The following TBC1D25 variants were observed in gnomAD, a reference collection of about 807,000 sequenced individuals.
The protein encoded by TBC1D25 is 5SN3 snoRNA.
In TBC1D25, 13 loss-of-function variants were observed where a neutral mutation model predicts 38.8. The ratio of observed to expected loss-of-function variants is 0.34; its 90% CI spans 0.22 to 0.53. The LOEUF is 0.53. Among genes scored for constraint, TBC1D25 ranks in the 20% least tolerant of loss-of-function variants. TBC1D25 has a pLI of 0.94. For synonymous variants in TBC1D25, 225 were observed against 255.6 expected, an observed-to-expected ratio of 0.88 and a Z score of 1.14; for missense variants, 372 against 600.0, an observed-to-expected ratio of 0.62 and a Z score of 3.97.
chrX:48,557,433 C>T (rs1556984707), intron 3 of TBC1D25, among the ~76,000 whole-genome samples: 1 of 110,628 alleles, frequency 9.0e-6, no homozygotes, highest in Non-Finnish European at 1.9e-5. Context: ...CACCTGAGGT[C>T]GGGAGTTCGA....
chrX:48,549,455 G>A (rs894206431), intron 3 of TBC1D25, among the ~76,000 whole-genome samples: 1 of 112,810 alleles, frequency 8.9e-6, no homozygotes, highest in East Asian at 2.7e-4. Flanking sequence ...TTGATTGCAC[G>A]CCTACACAGA....
At chrX:48,543,436 C>T (rs1479167095) in intron 2 of TBC1D25, among the ~76,000 whole-genome samples, 2 of 104,924 alleles carry the variant, frequency 1.9e-5, no homozygotes, top group East Asian at 3.1e-4. Flanking sequence ...GGGGTTTCAC[C>T]GTGTTGGCCA....
At chrX:48,555,348 T>C (rs1602114858) in intron 3 of TBC1D25, among the ~76,000 whole-genome samples, 2 of 111,625 alleles carry the variant, frequency 1.8e-5, no homozygotes, top group African/African-American at 3.3e-5. Context: ...CCCTCAGCTC[T>C]ATGGGAAAAT....
chrX:48,560,327 T>C lies in TBC1D25; in HGVS notation c.1419T>C (p.Pro473=). The C allele has an allele frequency of 2.5e-6, 3 of 1,211,625 alleles. No homozygotes were observed. The highest frequency in any genetic ancestry group is 3.5e-5 in the African/African-American group (2 of 57,752). Residue 473 remains proline (P), a synonymous_variant, in exon 6 of 6, where the codon CCT becomes CCC. Transcript: ENST00000376771. ...TGCGACAGAGGCACATGCTGAGGCC[T>C]GCTGGTGGAGGAGGTAGTACCTTTG... The part of the protein sequence containing the change: ...WPVRQRHMLR[P]AGGGGSTFED...
Position 48,539,732 on chromosome X carries a change from A to C in TBC1D25, c.-66A>C. On this transcript the variant is annotated 5_prime_UTR_variant, in exon 1 of 6. Coordinates refer to ENST00000376771, the MANE Select transcript of TBC1D25 (RefSeq NM_002536.4). The stretch of plus-strand genomic sequence containing the variant: ...ACGAGGTGGGGCGGCGGGCGTCAGT[A>C]CAGTAGAGTGTGCGCCGGGGTGGGG... 1.1e-6 allele frequency: 1 copy of C among 931,773 alleles called. No individual in the cohort carries two copies. The highest frequency in any genetic ancestry group is 1.3e-6 in the Non-Finnish European group (1 of 749,931). The allele number at this position is 931,773 out of a possible 1,213,427, so 76.8% of individuals were successfully genotyped here.
rs781880335 is a variant in TBC1D25, at chrX:48,560,999, CG to C, written c.*26del. ...GATCAGGCTTTCTCAAGCCCTCCATCGGCCCCACCAGATCTCCATTCTTTGC... is the reference window on the plus strand; with the variant it reads ...GATCAGGCTTTCTCAAGCCCTCCATCGCCCCACCAGATCTCCATTCTTTGC... On this transcript the variant is annotated 3_prime_UTR_variant, in exon 6 of 6. Coordinates refer to ENST00000376771, the MANE Select transcript of TBC1D25 (RefSeq NM_002536.4). 40 of 1,159,522 alleles carry C rather than the reference CG, an allele frequency of 3.4e-5. No individual in the cohort carries two copies. Among genetic ancestry groups the C allele is most frequent in the Non-Finnish European group, 4.5e-5 (39 of 872,602 alleles).
Position 48,558,910 on chromosome X carries a change from A to G in TBC1D25, c.402A>G (p.Glu134=). 1 of 1,211,682 alleles carries G rather than the reference A, an allele frequency of 8.3e-7. No individual in the cohort carries two copies. The highest frequency in any genetic ancestry group is 1.1e-6 in the Non-Finnish European group (1 of 895,524). Residue 134 remains glutamate, a synonymous_variant, in exon 4 of 6, where the codon GAA becomes GAG. Transcript: ENST00000376771. ...CTGTTTGCCCAGGCCCATTGCTAGA[A>G]GACTGGGACATAATCAGCCCCAAAG... is the stretch of plus-strand genomic sequence containing the variant. ...IRPSEDSPLL[E]DWDIISPKDV...
intron 3 of TBC1D25, among the ~76,000 whole-genome samples, chrX:48,548,138 CAG>C (rs2147178038): frequency 9.8e-6 from 1 of 102,440 alleles, no homozygotes; most frequent in East Asian, 3.1e-4. Context: ...TTTTTTGAGA[CAG>C]GGTCTCACTC....
intron 3 of TBC1D25, among the ~76,000 whole-genome samples, chrX:48,558,156 T>G (rs2061991568): frequency 9.0e-6 from 1 of 111,201 alleles, no homozygotes; most frequent in East Asian, 2.8e-4. Context: ...TGTTCCACTT[T>G]TGCACAAATA....
Position 48,559,363 on chromosome X carries a change from A to T in TBC1D25, c.705+17A>T. The T allele has an allele frequency of 8.3e-7, 1 of 1,198,602 alleles. No individual in the cohort carries two copies. The highest frequency in any genetic ancestry group is 1.1e-6 in the Non-Finnish European group (1 of 888,520). ...CTGCGAAAGGTGAGCATCCTCAGTC[A>T]TCTGTTGGGTCCATCACTGCTGCAC... On this transcript the variant is annotated intron_variant, in intron 5 of 5. Coordinates refer to ENST00000376771, the MANE Select transcript of TBC1D25 (RefSeq NM_002536.4).
intron 2 of TBC1D25, among the ~76,000 whole-genome samples, chrX:48,543,339 C>A (rs1556980783): frequency 9.2e-6 from 1 of 109,125 alleles, no homozygotes; most frequent in African/African-American, 3.3e-5. Context: ...TGAGTTCAAG[C>A]AATTCTCCTG....
chrX:48,548,938 G>A (rs1488359654), intron 3 of TBC1D25, among the ~76,000 whole-genome samples: 1 of 112,397 alleles, frequency 8.9e-6, no homozygotes, highest in Non-Finnish European at 1.9e-5. Context: ...AGACATGTTG[G>A]GACTGTTTGG....
At chrX:48,545,137 C>T (rs2061872886) in intron 3 of TBC1D25, 114 bp downstream of exon 3, 1 of 966,734 alleles carries the variant, frequency 1.0e-6, no homozygotes, top group South Asian at 2.5e-5. Flanking sequence ...GGTATCCTAG[C>T]TATAGATCCT....
chrX:48,560,287 A>G lies in TBC1D25; in HGVS notation c.1379A>G (p.His460Arg), dbSNP rs1556985795. The change falls in exon 6 of 6, where the codon CAC (histidine) becomes CGC (arginine). Residue 460 changes from histidine to arginine, a missense_variant. By Grantham distance (29) the His-to-Arg change is conservative. Coordinates refer to ENST00000376771, the MANE Select transcript of TBC1D25 (RefSeq NM_002536.4). Reference sequence around the variant, plus strand: ...GTGGCAGACGCTGGTTTTGGTGGCCACAGGGGGTGGCCCGTGCGACAGAGG... The same window carrying G: ...GTGGCAGACGCTGGTTTTGGTGGCCGCAGGGGGTGGCCCGTGCGACAGAGG... The part of the protein sequence containing the change: ...SQVADAGFGG[H>R]RGWPVRQRHM... 4.1e-6 allele frequency: 5 copies of G among 1,211,794 alleles called. No homozygotes were observed. In the South Asian group the frequency reaches 8.8e-5, roughly 21 times the overall value.
chrX:48,541,395 G>A lies in TBC1D25; in HGVS notation c.186G>A (p.Ser62=), dbSNP rs782097485. The A allele has an allele frequency of 7.4e-6, 9 of 1,210,355 alleles. No individual in the cohort carries two copies. In the East Asian group the frequency reaches 8.9e-5, roughly 12 times the overall value. ...TTGCTGTAGATCCCCAGATCACCTC[G>A]CTCGACGTGTTGCAGCACATCCTCA... The part of the protein sequence containing the change: ...RSFAVDPQIT[S]LDVLQHILIR... Residue 62 remains serine, a synonymous_variant, in exon 2 of 6, where the codon TCG becomes TCA. Coordinates refer to ENST00000376771, the MANE Select transcript of TBC1D25 (RefSeq NM_002536.4).
intron 3 of TBC1D25, among the ~76,000 whole-genome samples, chrX:48,555,267 G>C (rs1173822658): frequency 1.8e-5 from 2 of 111,166 alleles, no homozygotes; most frequent in African/African-American, 6.5e-5. Flanking sequence ...GGACCCCTTA[G>C]GTTTGCAGTA....
At chrX:48,557,872 A>T (rs2061988532) in intron 3 of TBC1D25, among the ~76,000 whole-genome samples, 1 of 110,313 alleles carries the variant, frequency 9.1e-6, no homozygotes, top group Admixed American at 9.7e-5. Flanking sequence ...CACTTTGGGT[A>T]GGCCAAGGCG....
At chrX:48,558,111 CAAAAA>C (rs782514374) in intron 3 of TBC1D25, among the ~76,000 whole-genome samples, 2 of 49,519 alleles carry the variant, frequency 4.0e-5, no homozygotes, top group Non-Finnish European at 4.4e-5. Context: ...ACTCCGTCTC[CAAAAA>C]AAAAAAAAAA....
intron 2 of TBC1D25, among the ~76,000 whole-genome samples, chrX:48,542,766 AT>A (rs1556980650): frequency 9.1e-6 from 1 of 110,272 alleles, no homozygotes; most frequent in Non-Finnish European, 1.9e-5. Flanking sequence ...CACCCGGCCA[AT>A]TTTTTGTATC....
Sources: gnomAD v4.1 joint callset for allele counts (sites outside exome capture counted in the v4.1 genomes callset) on GRCh38, gnomAD v4.1.1 for gene constraint, MANE v1.5 for transcripts, NCBI Gene and HGNC (gene_info 2026-07-23, HGNC 2026-07-21) for gene names.